PRXL2C: variants seen among roughly 807,000 people sequenced by gnomAD.
PRXL2C encodes peroxiredoxin like 2C, also known as peroxiredoxin-like 2C.
A neutral mutation model predicts 24.9 loss-of-function variants in PRXL2C; 38 were observed. That is an observed-to-expected ratio of 1.53 (90% confidence interval 1.18 to 2.00). The LOEUF is 2.00. Ranked by LOEUF, PRXL2C falls within the 30% of genes most tolerant of loss-of-function variation. The pLI, the probability that PRXL2C is intolerant of heterozygous loss-of-function variation, is 0.00. For synonymous variants in PRXL2C, 98 were observed against 117.2 expected (o/e 0.84, Z 1.06); for missense variants, 294 against 290.9 (o/e 1.01, Z -0.08).
In PRXL2C at chr9:96,655,283, ACGCGGGGCGGCCGAGGGCCTGGGTC is replaced by A. The variant is rs1345067844; in HGVS notation, c.-27_-3del. The A allele has an allele frequency of 9.5e-7, 1 of 1,055,118 alleles. No homozygotes were observed. The highest frequency in any genetic ancestry group is 1.7e-5 in the African/African-American group (1 of 58,656). The allele number at this position is 1,055,118 out of a possible 1,614,324, so 65.4% of individuals were successfully genotyped here. A position where few individuals can be genotyped will look rare whatever the true frequency, so the allele number is the denominator to read the frequency against. ...CGTGACCGGGGCCGGCGCGGCCATG[ACGCGGGGCGGCCGAGGGCCTGGGTC>A]CGCTCTGTCAGCGCGGACCGGGGCG... On this transcript the variant is annotated 5_prime_UTR_variant, in exon 1 of 6. Transcript: ENST00000375234.
chr9:96,653,759 A>C (rs762646236), intron 2 of PRXL2C, among the ~76,000 whole-genome samples: 6 of 152,232 alleles, frequency 3.9e-5, no homozygotes, highest in Non-Finnish European at 5.9e-5. Flanking sequence ...GAACAGTCAA[A>C]ACATTGTTTT....
chr9:96,645,835 C>A, intron 5 of PRXL2C, 58 bp downstream of exon 5: 2 of 1,516,452 alleles, frequency 1.3e-6, no homozygotes, highest in South Asian at 2.6e-5. Flanking sequence ...AAATGGCGGC[C>A]TCTGAACTTG....
intron 5 of PRXL2C, 110 bp from the exon 6 acceptor site, chr9:96,641,996 T>A: frequency 1.1e-6 from 1 of 903,238 alleles, no homozygotes; most frequent in Non-Finnish European, 1.6e-6. Flanking sequence ...AGGGAAAAAT[T>A]AATTACCTGG....
At chr9:96,651,805 T>C in intron 2 of PRXL2C, 93 bp from the exon 3 acceptor site, 1 of 1,094,216 alleles carries the variant, frequency 9.1e-7, no homozygotes, top group Non-Finnish European at 1.3e-6. Flanking sequence ...TTCATTCTAA[T>C]GCCACCTATA....
intron 4 of PRXL2C, among the ~76,000 whole-genome samples, chr9:96,647,301 T>C (rs935436508): frequency 6.6e-6 from 1 of 152,180 alleles, no homozygotes; most frequent in African/African-American, 2.4e-5. Flanking sequence ...TTGTAATTAA[T>C]TTTTCTCCTA....
intron 4 of PRXL2C, 42 bp from the exon 5 acceptor site, chr9:96,646,066 A>G: frequency 6.5e-7 from 1 of 1,537,006 alleles, no homozygotes; most frequent in Non-Finnish European, 8.8e-7. Flanking sequence ...TTTTATATTC[A>G]ATTTGATATT....
intron 4 of PRXL2C, among the ~76,000 whole-genome samples, chr9:96,650,849 T>C (rs1172364265): frequency 1.3e-5 from 2 of 152,218 alleles, no homozygotes; most frequent in Non-Finnish European, 1.5e-5. Flanking sequence ...AAATCCTTTT[T>C]GTTTTCACAA....
Position 96,649,140 on chromosome 9 carries a change from G to A in PRXL2C, c.421+2250C>T, listed in dbSNP as rs527519435. On this transcript the variant is annotated intron_variant, in intron 4 of 5. Transcript: ENST00000375234. Reference sequence around the variant, plus strand: ...CTCTGTTACAGCACATGAAAACTGTGTACCAAAAAGTAAGGTTCACAATCT... The same window carrying A: ...CTCTGTTACAGCACATGAAAACTGTATACCAAAAAGTAAGGTTCACAATCT... Among the ~76,000 whole-genome samples, 5 of 152,154 alleles carry A rather than the reference G, an allele frequency of 3.3e-5. No homozygotes were observed. In the South Asian group the frequency reaches 1.0e-3, roughly 32 times the overall value.
intron 5 of PRXL2C, among the ~76,000 whole-genome samples, chr9:96,642,234 ATC>A (rs1202411554): frequency 6.6e-6 from 1 of 152,150 alleles, no homozygotes; most frequent in Non-Finnish European, 1.5e-5. Flanking sequence ...GGAAAATCAC[ATC>A]TGTTTCTTAA....
intron 4 of PRXL2C, among the ~76,000 whole-genome samples, chr9:96,649,937 G>A (rs1009445425): frequency 1.4e-4 from 22 of 152,226 alleles, no homozygotes; most frequent in African/African-American, 4.6e-4. Flanking sequence ...CTGGCCAGAG[G>A]AAGGGACCTG....
intron 4 of PRXL2C, among the ~76,000 whole-genome samples, chr9:96,649,789 C>G (rs1346876721): frequency 6.6e-6 from 1 of 152,046 alleles, no homozygotes; most frequent in African/African-American, 2.4e-5. Context: ...TCTCACTTCT[C>G]TGCTTCAAAC....
intron 4 of PRXL2C, among the ~76,000 whole-genome samples, chr9:96,647,427 CTT>C (rs951074584): frequency 1.3e-5 from 2 of 152,198 alleles, no homozygotes; most frequent in African/African-American, 4.8e-5. Flanking sequence ...CTCTTCAACT[CTT>C]TGATTTCTTT....
At chr9:96,643,285 G>A (rs73542986) in intron 5 of PRXL2C, among the ~76,000 whole-genome samples, 3,658 of 152,016 alleles carry the variant, frequency 0.024, 144 homozygotes, top group African/African-American at 0.083. Flanking sequence ...TTGGTCTCTC[G>A]CCCAGGCTGT....
In PRXL2C at chr9:96,641,824, C is replaced by G. The variant is rs1848120695; in HGVS notation, c.616G>C (p.Val206Leu). 5 of 1,571,030 alleles carry G rather than the reference C, an allele frequency of 3.2e-6. No homozygotes were observed. The highest frequency in any genetic ancestry group is 4.4e-6 in the Non-Finnish European group (5 of 1,149,288). The change falls in exon 6 of 6, where the codon GTT becomes CTT. Residue 206 changes from valine (V) to leucine (L), a missense_variant. By Grantham distance (32) the Val-to-Leu change is conservative. Coordinates refer to ENST00000375234, the MANE Select transcript of PRXL2C (RefSeq NM_153698.2). ...TGCTGAACTCCTACAAGCTGTAAAA[C>G]AGAGTTGATAGGTTTGTGATCCAAC... The part of the protein sequence containing the change: ...NRLDHKPINS[V>L]LQLVGVQHVN...
At chr9:96,648,783 T>C (rs1452375767) in intron 4 of PRXL2C, among the ~76,000 whole-genome samples, 2 of 152,206 alleles carry the variant, frequency 1.3e-5, no homozygotes, top group Non-Finnish European at 2.9e-5. Flanking sequence ...TGCTAAATTT[T>C]TTTTTTTGAG....
chr9:96,641,812 C>T lies in PRXL2C; in HGVS notation c.628G>A (p.Val210Ile). ...HKPINSVLQLVGVQHVNFTNR... is the reference protein window; with the variant it reads ...HKPINSVLQLIGVQHVNFTNR... ...GTAAAGTTCACATGCTGAACTCCTA[C>T]AAGCTGTAAAACAGAGTTGATAGGT... is the stretch of plus-strand genomic sequence containing the variant. The change falls in exon 6 of 6, where the codon GTA (valine) becomes ATA (isoleucine). Residue 210 changes from valine to isoleucine, a missense_variant. Physicochemically the swap from Val to Ile is conservative, Grantham distance 29 (BLOSUM62 3). Coordinates refer to ENST00000375234, the MANE Select transcript of PRXL2C (RefSeq NM_153698.2). 1.3e-6 allele frequency: 2 copies of T among 1,580,086 alleles called. No individual in the cohort carries two copies. The highest frequency in any genetic ancestry group is 2.3e-5 in the East Asian group (1 of 44,128).
intron 4 of PRXL2C, among the ~76,000 whole-genome samples, chr9:96,648,007 C>T (rs7865058): frequency 0.14 from 21,219 of 152,082 alleles, 4,942 homozygotes; most frequent in African/African-American, 0.48. Context: ...AGGCTCCAAT[C>T]GATTCTCCCA....
chr9:96,646,573 T>C (rs575630692), intron 4 of PRXL2C, among the ~76,000 whole-genome samples: 2 of 152,282 alleles, frequency 1.3e-5, no homozygotes, highest in South Asian at 4.1e-4. Context: ...TTTCCAGTCT[T>C]AGTTGCAGTT....
intron 5 of PRXL2C, among the ~76,000 whole-genome samples, chr9:96,643,084 T>A (rs73542982): frequency 0.024 from 3,608 of 152,174 alleles, 141 homozygotes; most frequent in African/African-American, 0.082. Flanking sequence ...AGGACGTGCA[T>A]AGGTTAGATC....
Sources: gnomAD v4.1 joint callset for allele counts (sites outside exome capture counted in the v4.1 genomes callset) on GRCh38, gnomAD v4.1.1 for gene constraint, MANE v1.5 for transcripts, NCBI Gene and HGNC (gene_info 2026-07-23, HGNC 2026-07-21) for gene names.